DOCK1: variants seen among roughly 807,000 people sequenced by gnomAD.
The protein encoded by DOCK1 is dedicator of cytokinesis protein 1.
In DOCK1, 138 loss-of-function variants were observed where a neutral mutation model predicts 262.7. The ratio of observed to expected loss-of-function variants is 0.53; its 90% CI spans 0.46 to 0.61. DOCK1 has a LOEUF of 0.61. Among genes scored for constraint, DOCK1 ranks in the 20% least tolerant of loss-of-function variants. The pLI, the probability that DOCK1 is intolerant of heterozygous loss-of-function variation, is 0.00. For missense variants in DOCK1, 1,908 were observed against 2,370.7 expected (o/e 0.80, Z 4.05); for synonymous variants, 866 against 867.4 (o/e 1.00, Z 0.03).
intron 1 of DOCK1, among the ~76,000 whole-genome samples, chr10:126,915,726 C>A (rs2032408546): frequency 6.6e-6 from 1 of 152,202 alleles, no homozygotes; most frequent in Non-Finnish European, 1.5e-5. Context: ...GCTGGGATTA[C>A]AGGCGTGAGC....
At chr10:126,920,083 G>A (rs2033026911) in intron 1 of DOCK1, among the ~76,000 whole-genome samples, 2 of 152,152 alleles carry the variant, frequency 1.3e-5, no homozygotes, top group Non-Finnish European at 1.5e-5. Flanking sequence ...CCCACTGGGG[G>A]CTCCATCCCG....
At chr10:127,181,676 G>A (rs948313906) in intron 27 of DOCK1, among the ~76,000 whole-genome samples, 1 of 152,170 alleles carries the variant, frequency 6.6e-6, no homozygotes, top group Non-Finnish European at 1.5e-5. Flanking sequence ...TGCCAAGGGG[G>A]TGCCTGAACA....
chr10:127,109,844 A>T (rs192524978), intron 24 of DOCK1, among the ~76,000 whole-genome samples: 1 of 151,640 alleles, frequency 6.6e-6, no homozygotes, highest in Non-Finnish European at 1.5e-5. Flanking sequence ...TGTTGTGTGG[A>T]TATATGTTTT....
At chr10:127,283,173 T>A (rs1480948328) in intron 29 of DOCK1, among the ~76,000 whole-genome samples, 1 of 152,240 alleles carries the variant, frequency 6.6e-6, no homozygotes, top group Non-Finnish European at 1.5e-5. Flanking sequence ...CTGCCTTGAA[T>A]AATGAACCAT....
chr10:127,194,010 C>T (rs2056928683), intron 27 of DOCK1, among the ~76,000 whole-genome samples: 1 of 152,196 alleles, frequency 6.6e-6, no homozygotes, highest in South Asian at 2.1e-4. Context: ...AAGTCTTAAT[C>T]ACAATGATAA....
intron 1 of DOCK1, among the ~76,000 whole-genome samples, chr10:126,957,467 CTTAT>C (rs1255437883): frequency 4.6e-5 from 7 of 152,110 alleles, no homozygotes; most frequent in Admixed American, 3.3e-4. Flanking sequence ...TCAATCCAGC[CTTAT>C]TTATTTATTT....
chr10:127,177,457 T>C (rs1199764368), intron 27 of DOCK1, among the ~76,000 whole-genome samples: 2 of 152,126 alleles, frequency 1.3e-5, no homozygotes, highest in African/African-American at 4.8e-5. Context: ...AGCAAGAAAA[T>C]AGAGTTAAGT....
intron 37 of DOCK1, among the ~76,000 whole-genome samples, 160 bp from the exon 38 acceptor site, chr10:127,384,630 C>T (rs2066002245): frequency 1.3e-5 from 2 of 152,222 alleles, no homozygotes; most frequent in Non-Finnish European, 1.5e-5. Context: ...TCGGTATGTC[C>T]GGACAGAGGC....
intron 23 of DOCK1, among the ~76,000 whole-genome samples, chr10:127,097,071 C>T (rs1160125534): frequency 1.3e-5 from 2 of 152,144 alleles, no homozygotes; most frequent in Non-Finnish European, 2.9e-5. Flanking sequence ...CACCATTACA[C>T]TCCAGCCTGG....
intron 1 of DOCK1, among the ~76,000 whole-genome samples, chr10:126,945,518 T>G (rs2035332814): frequency 6.6e-6 from 1 of 151,910 alleles, no homozygotes; most frequent in African/African-American, 2.4e-5. Flanking sequence ...CAGAGCCCTT[T>G]TGTAACTGAA....
At position 127,247,260 on chromosome 10, in the gene DOCK1, T is replaced by C. The variant is rs1023574859; in HGVS notation, c.2848-748T>C. On this transcript the variant is annotated intron_variant, in intron 27 of 51. Coordinates refer to ENST00000623213, the MANE Select transcript of DOCK1 (RefSeq NM_001290223.2). Reference sequence around the variant, plus strand: ...CTGTGTTGCTTTCTTTTTTCCTCCTTCTTTTCCTTTCCACCCAGCTCCGTC... The same window carrying C: ...CTGTGTTGCTTTCTTTTTTCCTCCTCCTTTTCCTTTCCACCCAGCTCCGTC... Among the ~76,000 whole-genome samples the C allele has an allele frequency of 4.6e-5, 7 of 152,154 alleles. No homozygotes were observed. In the East Asian group the frequency reaches 5.8e-4, roughly 13 times the overall value.
chr10:127,250,947 C>T (rs545926026), intron 28 of DOCK1, among the ~76,000 whole-genome samples: 1 of 151,884 alleles, frequency 6.6e-6, no homozygotes, highest in East Asian at 1.9e-4. Flanking sequence ...GAGTATATGA[C>T]TGTTTTTCAA....
intron 28 of DOCK1, among the ~76,000 whole-genome samples, chr10:127,249,105 A>T (rs1040614464): frequency 6.6e-6 from 1 of 152,164 alleles, no homozygotes; most frequent in Non-Finnish European, 1.5e-5. Flanking sequence ...ATACTCATAG[A>T]TACCTGCAGA....
At position 127,153,826 on chromosome 10, in the gene DOCK1, G is replaced by A. The variant is rs750000481; in HGVS notation, c.2847+26062G>A. 1.9e-6 allele frequency: 3 copies of A among 1,544,454 alleles called. No individual in the cohort carries two copies. In the Admixed American group the frequency reaches 5.0e-5, roughly 26 times the overall value. ...ATCATTTGTCACTCATAATAAGAAA[G>A]TGGGAAGAGGAGAATGTTAACATAC... On this transcript the variant is annotated intron_variant, in intron 27 of 51. Coordinates refer to ENST00000623213, the MANE Select transcript of DOCK1 (RefSeq NM_001290223.2).
At position 127,434,637 on chromosome 10, in the gene DOCK1, C is replaced by T. The variant is rs573193696; in HGVS notation, c.5060+1209C>T. On this transcript the variant is annotated intron_variant, in intron 48 of 51. Transcript: ENST00000623213. ...GCATTCTTTCCCCCCACCCCTGACA[C>T]CCTGACAATGTCTACTTTCTTTTTT... 2.0e-5 allele frequency among the ~76,000 whole-genome samples: 3 copies of T among 152,150 alleles called. No individual in the cohort carries two copies. The East Asian group carries it at 5.8e-4, about 29-fold the overall frequency.
At chr10:127,339,600 T>TGA (rs72345552) in intron 30 of DOCK1, among the ~76,000 whole-genome samples, 107 of 150,028 alleles carry the variant, frequency 7.1e-4, no homozygotes, top group African/African-American at 2.1e-3. Flanking sequence ...ATGCAGTGTG[T>TGA]GAGAGAGAGA....
chr10:126,952,451 A>G (rs954136737), intron 1 of DOCK1, among the ~76,000 whole-genome samples: 1 of 142,680 alleles, frequency 7.0e-6, no homozygotes, highest in South Asian at 2.3e-4. Flanking sequence ...ATTGTTGGTG[A>G]TGGTGGTGGT....
intron 32 of DOCK1, among the ~76,000 whole-genome samples, chr10:127,356,453 G>C (rs111499985): frequency 6.6e-6 from 1 of 152,124 alleles, no homozygotes; most frequent in Admixed American, 6.5e-5. Flanking sequence ...ACGTGCTAAG[G>C]CTTTTAGAAC....
intron 27 of DOCK1, among the ~76,000 whole-genome samples, chr10:127,228,303 T>C (rs1174846244): frequency 6.6e-6 from 1 of 152,158 alleles, no homozygotes. Flanking sequence ...AATGTGCTCT[T>C]GCTAAATTCT....
Sources: allele counts gnomAD v4.1 joint callset (sites outside exome capture counted in the v4.1 genomes callset), GRCh38; gene constraint gnomAD v4.1.1; transcripts MANE v1.5; gene names NCBI Gene and HGNC (gene_info 2026-07-23, HGNC 2026-07-21).